The following MEIOSIN variants were observed in gnomAD, a reference collection of about 807,000 sequenced individuals.
MEIOSIN encodes the protein meiosis initiator protein.
Under a neutral mutation model 23.4 loss-of-function variants are expected in MEIOSIN, and 18 were observed. That is an observed-to-expected ratio of 0.77 (90% CI 0.53 to 1.14). MEIOSIN has a LOEUF of 1.14. MEIOSIN is among the 50% of genes most tolerant of loss of function. The probability of loss-of-function intolerance (pLI) is 0.00; values close to 1 mark genes in which losing one functional copy is unlikely to be tolerated. For missense variants in MEIOSIN, 428 were observed against 242.9 expected (o/e 1.76, Z -5.07); for synonymous variants, 187 against 100.6 (o/e 1.86, Z -5.14).
chr19:45,740,479 G>A (rs894857308), intron 3 of MEIOSIN, among the ~76,000 whole-genome samples: 53 of 152,242 alleles, frequency 3.5e-4, no homozygotes, highest in Non-Finnish European at 2.5e-4. Flanking sequence ...GGCCGGGCAC[G>A]GAGGCTCACG....
At chr19:45,757,642 T>C (rs1717619640) in intron 9 of MEIOSIN, among the ~76,000 whole-genome samples, 2 of 152,138 alleles carry the variant, frequency 1.3e-5, no homozygotes, top group South Asian at 4.1e-4. Context: ...TGCCTCAGCC[T>C]CCCGAGTAGC....
chr19:45,745,467 C>T (rs191908518), intron 4 of MEIOSIN, 146 bp downstream of exon 4: 193 of 574,088 alleles, frequency 3.4e-4, no homozygotes, highest in African/African-American at 1.7e-3. Flanking sequence ...CGGGAATTTC[C>T]GGGAGTCTGT....
chr19:45,735,542 C>G (rs1968394785), intron 2 of MEIOSIN, 95 bp downstream of exon 2: 2 of 627,452 alleles, frequency 3.2e-6, no homozygotes, highest in Non-Finnish European at 5.8e-6. Flanking sequence ...TTGCTAGACT[C>G]TTTGCCAAAC....
intron 4 of MEIOSIN, among the ~76,000 whole-genome samples, chr19:45,749,442 G>A (rs1200029927): frequency 6.6e-6 from 1 of 150,950 alleles, no homozygotes; most frequent in Non-Finnish European, 1.5e-5. Flanking sequence ...TTGGGAGGCT[G>A]AGGTGGGCGG....
chr19:45,763,917 G>T (rs943222122), intron 14 of MEIOSIN, 54 bp from the exon 15 acceptor site: 9 of 398,514 alleles, frequency 2.3e-5, no homozygotes, highest in Non-Finnish European at 3.5e-5. Context: ...AGTGGTACAG[G>T]GATGCCCGGG....
chr19:45,764,071 C>G lies in MEIOSIN; in HGVS notation c.1870C>G (p.Gln624Glu), dbSNP rs763172513. The part of the protein sequence containing the change: ...EDWETPKPFY[Q>E]LLAEKALPLP... ...CTGGGAGACGCCAAAGCCCTTCTAC[C>G]AGCTGCTGGCCGAGAAGGCCTTGCC... Residue 624 changes from glutamine (Q) to glutamate (E), a missense_variant, in exon 15 of 15, where the codon CAG becomes GAG. Transcript: ENST00000457052. 2.7e-4 allele frequency: 108 copies of G among 398,548 alleles called. 1 individual carries two copies. The highest frequency in any genetic ancestry group is 3.4e-4 in the Non-Finnish European group (77 of 226,072). 24.7% of individuals were successfully genotyped at this position (398,548 alleles called of 1,614,324 possible).
At chr19:45,740,182 C>T (rs1319591563) in intron 3 of MEIOSIN, among the ~76,000 whole-genome samples, 2 of 152,192 alleles carry the variant, frequency 1.3e-5, no homozygotes, top group Non-Finnish European at 2.9e-5. Context: ...TTCATGAACA[C>T]TCCCTATGTA....
intron 9 of MEIOSIN, among the ~76,000 whole-genome samples, chr19:45,758,195 T>A (rs1233708387): frequency 6.6e-6 from 1 of 152,112 alleles, no homozygotes; most frequent in African/African-American, 2.4e-5. Flanking sequence ...GGTTTCACCG[T>A]GTTGGCCAGG....
In MEIOSIN at chr19:45,745,327, G is replaced by A; in HGVS notation, c.306+6G>A. 1.4e-6 allele frequency: 1 copy of A among 700,082 alleles called. No individual in the cohort carries two copies. Among genetic ancestry groups the A allele is most frequent in the Middle Eastern group, 2.3e-4 (1 of 4,346 alleles). The allele number at this position is 700,082 out of a possible 1,614,324, so 43.4% of individuals were successfully genotyped here. A position where few individuals can be genotyped will look rare whatever the true frequency, so the allele number is the denominator to read the frequency against. ...GGACCAAGAAGCTCACAAAGGTACAGGGACTAGAGGAGAGGGGCCAGATTT... is the reference window on the plus strand; with the variant it reads ...GGACCAAGAAGCTCACAAAGGTACAAGGACTAGAGGAGAGGGGCCAGATTT... On this transcript the variant is annotated splice_donor_region_variant and intron_variant, in intron 4 of 14. Coordinates refer to ENST00000457052, the MANE Select transcript of MEIOSIN (RefSeq NM_001310124.2).
intron 14 of MEIOSIN, 25 bp downstream of exon 14, chr19:45,763,452 T>C (rs1468171723): frequency 1.8e-5 from 7 of 398,424 alleles, no homozygotes; most frequent in Non-Finnish European, 3.1e-5. Context: ...CCCCGAGGTG[T>C]GGGTGGGGGG....
chr19:45,735,630 C>T (rs907349289), intron 2 of MEIOSIN, among the ~76,000 whole-genome samples, 183 bp downstream of exon 2: 23 of 152,136 alleles, frequency 1.5e-4, no homozygotes, highest in African/African-American at 4.8e-4. Flanking sequence ...TACCATTTTC[C>T]AGATGAGAGT....
At chr19:45,734,733 G>A (rs1339103395) in intron 1 of MEIOSIN, among the ~76,000 whole-genome samples, 3 of 147,442 alleles carry the variant, frequency 2.0e-5, no homozygotes, top group Non-Finnish European at 4.5e-5. Flanking sequence ...TCAAACTCCT[G>A]AGATCAAGCA....
intron 10 of MEIOSIN, 124 bp downstream of exon 10, chr19:45,759,157 G>A (rs893905390): frequency 7.8e-6 from 5 of 643,888 alleles, no homozygotes; most frequent in South Asian, 1.8e-5. Flanking sequence ...AGGAGCCCAC[G>A]GCCTAGTGGG....
intron 4 of MEIOSIN, among the ~76,000 whole-genome samples, chr19:45,747,091 G>C (rs1968608829): frequency 2.0e-5 from 3 of 152,106 alleles, no homozygotes; most frequent in African/African-American, 7.2e-5. Flanking sequence ...TCTTGTCAGG[G>C]GACTGGCAAC....
chr19:45,740,879 T>G (rs916400604), intron 3 of MEIOSIN, among the ~76,000 whole-genome samples: 32 of 151,960 alleles, frequency 2.1e-4, no homozygotes, highest in African/African-American at 7.2e-4. Flanking sequence ...CATATGCCAC[T>G]TTAGAAGTCT....
intron 11 of MEIOSIN, among the ~76,000 whole-genome samples, chr19:45,760,856 A>G (rs867370471): frequency 6.7e-6 from 1 of 149,930 alleles, no homozygotes; most frequent in African/African-American, 2.4e-5. Context: ...TGAACCCAAG[A>G]GGTGGAGAAT....
At chr19:45,758,213 C>T (rs1156527228) in intron 9 of MEIOSIN, among the ~76,000 whole-genome samples, 2 of 151,580 alleles carry the variant, frequency 1.3e-5, no homozygotes, top group African/African-American at 2.4e-5. Flanking sequence ...AGGCTGGTCT[C>T]GAACTCCTGA....
chr19:45,752,747 C>T (rs1968737059), intron 5 of MEIOSIN, among the ~76,000 whole-genome samples: 1 of 151,934 alleles, frequency 6.6e-6, no homozygotes. Flanking sequence ...AACTGAAGCC[C>T]AGAGAGGTTA....
Position 45,761,923 on chromosome 19 carries a change from C to T in MEIOSIN, c.1435-16C>T. 1 of 604,694 alleles carries T rather than the reference C, an allele frequency of 1.7e-6. No individual in the cohort carries two copies. Among genetic ancestry groups the T allele is most frequent in the Non-Finnish European group, 3.0e-6 (1 of 335,138 alleles). The allele number at this position is 604,694 out of a possible 1,614,324, so 37.5% of individuals were successfully genotyped here. A position where few individuals can be genotyped will look rare whatever the true frequency, so the allele number is the denominator to read the frequency against. On this transcript the variant is annotated splice_polypyrimidine_tract_variant and intron_variant, in intron 12 of 14. Coordinates refer to ENST00000457052, the MANE Select transcript of MEIOSIN (RefSeq NM_001310124.2). ...CAGGGCCTCCTTCCTCTCTCACCAC[C>T]CTCTCCCTCCCCCAGGATATGCAGG... is the stretch of plus-strand genomic sequence containing the variant.
Sources: gnomAD v4.1 joint callset for allele counts (sites outside exome capture counted in the v4.1 genomes callset) on GRCh38, gnomAD v4.1.1 for gene constraint, MANE v1.5 for transcripts, NCBI Gene and HGNC (gene_info 2026-07-23, HGNC 2026-07-21) for gene names.